EXOC4: variants seen among roughly 807,000 people sequenced by gnomAD.
EXOC4 encodes SEC8-like 1.
EXOC4 carries 71 observed loss-of-function variants against 107.2 expected under a neutral mutation model. The ratio of observed to expected loss-of-function variants is 0.66; its 90% CI spans 0.55 to 0.81. The LOEUF (loss-of-function observed/expected upper bound fraction) is 0.81, where lower values mean the gene tolerates loss of function less well. Among genes scored for constraint, EXOC4 ranks in the 30% least tolerant of loss-of-function variants. The probability of loss-of-function intolerance (pLI) is 0.00; values close to 1 mark genes in which losing one functional copy is unlikely to be tolerated. For missense variants in EXOC4, 1,108 were observed against 1,189.6 expected (o/e 0.93, Z 1.01); for synonymous variants, 456 against 441.2 (o/e 1.03, Z -0.42).
intron 10 of EXOC4, among the ~76,000 whole-genome samples, chr7:133,664,223 A>G (rs535507526): frequency 6.6e-6 from 1 of 152,170 alleles, no homozygotes; most frequent in African/African-American, 2.4e-5. Context: ...CCTTATTACC[A>G]TGCACATATT....
chr7:133,351,791 G>T, intron 5 of EXOC4, among the ~76,000 whole-genome samples: 1 of 151,338 alleles, frequency 6.6e-6, no homozygotes. Flanking sequence ...GATCTTTTTT[G>T]TTTTTTACCG....
intron 9 of EXOC4, among the ~76,000 whole-genome samples, chr7:133,520,878 TTTTGC>T (rs1390944287): frequency 1.1e-4 from 17 of 152,266 alleles, no homozygotes; most frequent in Non-Finnish European, 1.0e-4. Flanking sequence ...CCTTTCCCTG[TTTTGC>T]TATAAAAATC....
chr7:133,288,979 C>A lies in EXOC4; in HGVS notation c.334C>A (p.Arg112=), dbSNP rs2092145803. The change falls in exon 3 of 18, where the codon CGG becomes AGG. Residue 112 remains arginine (R), a synonymous_variant. Coordinates refer to ENST00000253861, the MANE Select transcript of EXOC4 (RefSeq NM_021807.4). ...GCTGCACTGCAAACGGGATGAGCTT[C>A]GGAAACTGTGGATTGAAGGAATTGA... ...MLLHCKRDEL[R]KLWIEGIEHK... 6.2e-7 allele frequency: 1 copy of A among 1,614,162 alleles called. No individual in the cohort carries two copies. Among genetic ancestry groups the A allele is most frequent in the Non-Finnish European group, 8.5e-7 (1 of 1,179,996 alleles).
chr7:133,608,740 G>T (rs1802010994), intron 9 of EXOC4, among the ~76,000 whole-genome samples: 1 of 151,492 alleles, frequency 6.6e-6, no homozygotes, highest in Non-Finnish European at 1.5e-5. Context: ...GTAGAGACAG[G>T]GTTTTACCAT....
At chr7:133,658,311 C>G (rs747016710) in intron 10 of EXOC4, among the ~76,000 whole-genome samples, 1 of 152,062 alleles carries the variant, frequency 6.6e-6, no homozygotes, top group African/African-American at 2.4e-5. Flanking sequence ...AAAATGCAAC[C>G]AGGTGATTAT....
chr7:133,535,923 A>G (rs1800261593), intron 9 of EXOC4, among the ~76,000 whole-genome samples: 1 of 152,248 alleles, frequency 6.6e-6, no homozygotes, highest in Non-Finnish European at 1.5e-5. Flanking sequence ...TAATGCAGGC[A>G]GTGCTAACAC....
At chr7:133,361,947 AGTGTTTAT>A (rs1796145638) in intron 6 of EXOC4, among the ~76,000 whole-genome samples, 1 of 152,134 alleles carries the variant, frequency 6.6e-6, no homozygotes, top group Non-Finnish European at 1.5e-5. Flanking sequence ...CAATGTTTAA[AGTGTTTAT>A]TTCCTTTTCA....
chr7:133,592,449 A>T lies in EXOC4; in HGVS notation c.1418-37596A>T, dbSNP rs573946652. 8.5e-5 allele frequency among the ~76,000 whole-genome samples: 13 copies of T among 152,206 alleles called. No individual in the cohort carries two copies. The South Asian group carries it at 1.7e-3, about 19-fold the overall frequency. On this transcript the variant is annotated intron_variant, in intron 9 of 17. Transcript: ENST00000253861. Reference sequence around the variant, plus strand: ...TAAATTGGTAGTTATTAATTTTTTTAAATTTTATTTTTGAGACAAATTTCA... The same window carrying T: ...TAAATTGGTAGTTATTAATTTTTTTTAATTTTATTTTTGAGACAAATTTCA...
At chr7:133,339,014 A>G (rs186176661) in intron 5 of EXOC4, among the ~76,000 whole-genome samples, 8 of 152,246 alleles carry the variant, frequency 5.3e-5, no homozygotes, top group Admixed American at 5.2e-4. Context: ...GCCCTCCCAA[A>G]GTGCTGGGAT....
chr7:133,334,394 C>G (rs1795463229), intron 5 of EXOC4, among the ~76,000 whole-genome samples: 1 of 152,174 alleles, frequency 6.6e-6, no homozygotes, highest in African/African-American at 2.4e-5. Flanking sequence ...GGTAAGGATA[C>G]TATAGATACT....
intron 11 of EXOC4, among the ~76,000 whole-genome samples, chr7:133,866,322 C>T (rs1585209411): frequency 1.3e-5 from 2 of 152,118 alleles, no homozygotes; most frequent in African/African-American, 2.4e-5. Context: ...TTGGCTTACT[C>T]GGTACCAGAC....
intron 11 of EXOC4, among the ~76,000 whole-genome samples, chr7:133,821,530 A>G (rs1797520712): frequency 6.6e-6 from 1 of 152,186 alleles, no homozygotes; most frequent in South Asian, 2.1e-4. Context: ...GTAATAAAAA[A>G]TTGGGCCTCA....
chr7:133,510,535 C>CT (rs1405846265), intron 9 of EXOC4, among the ~76,000 whole-genome samples: 5 of 152,138 alleles, frequency 3.3e-5, no homozygotes, highest in Non-Finnish European at 7.4e-5. Flanking sequence ...CTGTGATTTT[C>CT]TTATCTCTAA....
intron 9 of EXOC4, among the ~76,000 whole-genome samples, chr7:133,514,824 T>C (rs1799842232): frequency 6.6e-6 from 1 of 152,116 alleles, no homozygotes; most frequent in Admixed American, 6.5e-5. Flanking sequence ...ATCTGGGCCC[T>C]GCAGGAGAAT....
In EXOC4 at chr7:134,036,599, AAGAG is replaced by A. The variant is rs1037065037; in HGVS notation, c.2688-27686_2688-27683del. On this transcript the variant is annotated intron_variant, in intron 17 of 17. Transcript: ENST00000253861. ...CAGGACCCTGTCTCAAAAGAAAAAA[AAGAG>A]AGAGAATTCTCAGAACTGCTGAATG... 2.0e-4 allele frequency among the ~76,000 whole-genome samples: 31 copies of A among 152,332 alleles called. 1 individual carries two copies. The highest frequency in any genetic ancestry group is 6.0e-4 in the African/African-American group (25 of 41,566).
intron 7 of EXOC4, among the ~76,000 whole-genome samples, chr7:133,460,390 TGCG>T (rs1173531835): frequency 3.9e-5 from 6 of 152,184 alleles, no homozygotes; most frequent in Admixed American, 2.6e-4. Flanking sequence ...CAGGAACCCT[TGCG>T]CTAGAATTTT....
chr7:133,634,999 C>T (rs1424635100), intron 10 of EXOC4, among the ~76,000 whole-genome samples: 2 of 151,874 alleles, frequency 1.3e-5, no homozygotes, highest in South Asian at 2.1e-4. Context: ...TGAATTCATT[C>T]TTATAAATGG....
chr7:133,620,560 TC>T (rs1475518101), intron 9 of EXOC4, among the ~76,000 whole-genome samples: 1 of 152,214 alleles, frequency 6.6e-6, no homozygotes, highest in African/African-American at 2.4e-5. Context: ...GCCCAAATGT[TC>T]ATCTGCTGAT....
chr7:133,604,741 T>TTTTTTTTTA (rs1801897281), intron 9 of EXOC4, among the ~76,000 whole-genome samples: 1 of 110,346 alleles, frequency 9.1e-6, no homozygotes, highest in Non-Finnish European at 1.9e-5. Context: ...TTTTTTTTTT[T>TTTTTTTTTA]GAGGCAGAGT....
Sources: allele counts gnomAD v4.1 joint callset (sites outside exome capture counted in the v4.1 genomes callset), GRCh38; gene constraint gnomAD v4.1.1; transcripts MANE v1.5; gene names NCBI Gene and HGNC (gene_info 2026-07-23, HGNC 2026-07-21).